Variants in EME1 observed in about 807,000 individuals in gnomAD.
EME1 encodes essential meiotic structure-specific endonuclease 1.
EME1 carries 61 observed loss-of-function variants against 59.1 expected under a neutral mutation model. The ratio of observed to expected loss-of-function variants is 1.03; its 90% CI spans 0.84 to 1.28. The LOEUF (loss-of-function observed/expected upper bound fraction) is 1.28, where lower values mean the gene tolerates loss of function less well. Among genes scored for constraint, EME1 ranks in the 50% most tolerant of loss-of-function variants. The probability of loss-of-function intolerance (pLI) is 0.00; values close to 1 mark genes in which losing one functional copy is unlikely to be tolerated. For missense variants in EME1, 635 were observed against 682.6 expected (o/e 0.93, Z 0.78); for synonymous variants, 230 against 254.2 (o/e 0.90, Z 0.90).
Position 50,376,104 on chromosome 17 carries a change from G to T in EME1, c.814G>T (p.Ala272Ser). The change falls in exon 3 of 9, where the codon GCA becomes TCA. Residue 272 changes from alanine (A) to serine (S), a missense_variant. Ala to Ser is a moderately conservative substitution (Grantham distance 99). Transcript: ENST00000338165. ...QMEGGGQLLGALQTMECRCVI... is the reference protein window; with the variant it reads ...QMEGGGQLLGSLQTMECRCVI... The stretch of plus-strand genomic sequence containing the variant: ...GGAAGGTGGGGGCCAGCTCCTAGGA[G>T]CACTGCAGACCATGGAGTGCCGCTG... The T allele has an allele frequency of 1.9e-6, 3 of 1,614,094 alleles. No homozygotes were observed. Among genetic ancestry groups the T allele is most frequent in the Non-Finnish European group, 2.5e-6 (3 of 1,180,010 alleles).
Position 50,379,579 on chromosome 17 carries a change from C to T in EME1, c.1346+12C>T. ...GAGGCGCCCTTCAAGTGAGTAACCC[C>T]AGCAAGTCCAGCCTCCATGCTGGGC... On this transcript the variant is annotated intron_variant, in intron 7 of 8. Coordinates refer to ENST00000338165, the MANE Select transcript of EME1 (RefSeq NM_152463.4). 2 of 1,611,084 alleles carry T rather than the reference C, an allele frequency of 1.2e-6. No individual in the cohort carries two copies. Among genetic ancestry groups the T allele is most frequent in the East Asian group, 2.2e-5 (1 of 44,870 alleles).
At chr17:50,374,364 A>T (rs9894175) in intron 1 of EME1, among the ~76,000 whole-genome samples, 53,058 of 151,836 alleles carry the variant, frequency 0.35, 10,042 homozygotes, top group Non-Finnish European at 0.41. Context: ...CAGCCTCCTG[A>T]GTATCTGGGA....
intron 1 of EME1, among the ~76,000 whole-genome samples, chr17:50,374,359 T>G (rs1913334045): frequency 6.6e-6 from 1 of 152,100 alleles, no homozygotes; most frequent in Non-Finnish European, 1.5e-5. Flanking sequence ...CACCTCAGCC[T>G]CCTGAGTATC....
intron 3 of EME1, 110 bp downstream of exon 3, chr17:50,376,303 G>A (rs1274379758): frequency 2.0e-6 from 3 of 1,480,386 alleles, no homozygotes; most frequent in Non-Finnish European, 2.7e-6. Context: ...GAAGACAGAT[G>A]GCACATTCAA....
chr17:50,380,877 A>T lies in EME1; in HGVS notation c.1651A>T (p.Arg551Trp). ...TSRRIGPELSRRIYLQMTTLQ... is the reference protein window; with the variant it reads ...TSRRIGPELSWRIYLQMTTLQ... The stretch of plus-strand genomic sequence containing the variant: ...TCGCCGCATTGGACCAGAACTATCC[A>T]GGCGTATCTACCTTCAGATGACCAC... Residue 551 changes from arginine (R) to tryptophan (W), a missense_variant, in exon 9 of 9, where the codon AGG (arginine) becomes TGG (tryptophan). Arg to Trp is a moderately radical substitution (Grantham distance 101, BLOSUM62 -3). Coordinates refer to ENST00000338165, the MANE Select transcript of EME1 (RefSeq NM_152463.4). The T allele has an allele frequency of 6.2e-7, 1 of 1,614,188 alleles. No individual in the cohort carries two copies. Among genetic ancestry groups the T allele is most frequent in the Non-Finnish European group, 8.5e-7 (1 of 1,180,020 alleles).
At chr17:50,377,696 C>G (rs1214381257) in intron 3 of EME1, among the ~76,000 whole-genome samples, 1 of 152,186 alleles carries the variant, frequency 6.6e-6, no homozygotes, top group Admixed American at 6.5e-5. Context: ...AGTTTCCCTT[C>G]CCTCCATTCC....
chr17:50,380,644 C>CT, intron 8 of EME1, 119 bp from the exon 9 acceptor site: 1 of 1,538,574 alleles, frequency 6.5e-7, no homozygotes. Flanking sequence ...GTTGCTAATG[C>CT]TGACCCAGGG....
intron 1 of EME1, among the ~76,000 whole-genome samples, chr17:50,374,902 G>A (rs919820960): frequency 6.6e-6 from 1 of 151,934 alleles, no homozygotes; most frequent in African/African-American, 2.4e-5. Flanking sequence ...TAAACAAGGG[G>A]TTGGAGGTGT....
chr17:50,376,316 C>G (rs1913470633), intron 3 of EME1, 123 bp downstream of exon 3: 1 of 1,416,602 alleles, frequency 7.1e-7, no homozygotes, highest in Admixed American at 2.1e-5. Context: ...ACATTCAACT[C>G]AGGGTAATTA....
At chr17:50,378,495 T>C in intron 3 of EME1, 100 bp from the exon 4 acceptor site, 1 of 1,077,104 alleles carries the variant, frequency 9.3e-7, no homozygotes, top group Admixed American at 1.7e-5. Context: ...GCATAAGGGG[T>C]GGGAGTTAGT....
rs1241959929 is a variant in EME1 at position 50,381,388 on chromosome 17, G to A, written c.*449G>A. 1.1e-5 allele frequency: 2 copies of A among 188,192 alleles called. No individual in the cohort carries two copies. Among genetic ancestry groups the A allele is most frequent in the Non-Finnish European group, 2.3e-5 (2 of 88,438 alleles). The allele number at this position is 188,192 out of a possible 1,614,324, so 11.7% of individuals were successfully genotyped here. On this transcript the variant is annotated 3_prime_UTR_variant, in exon 9 of 9. Transcript: ENST00000338165. Reference sequence around the variant, plus strand: ...GGAACGGGATTATGATGACTATGCGGACTTCTATATTGTCTTCATCTCATT... The same window carrying A: ...GGAACGGGATTATGATGACTATGCGAACTTCTATATTGTCTTCATCTCATT...
At chr17:50,379,645 C>T in intron 7 of EME1, 78 bp downstream of exon 7, 1 of 1,263,518 alleles carries the variant, frequency 7.9e-7, no homozygotes, top group Non-Finnish European at 1.1e-6. Flanking sequence ...GCAAATGTCC[C>T]TTTCCCCTCA....
At chr17:50,378,491 G>T in intron 3 of EME1, 104 bp from the exon 4 acceptor site, 2 of 1,040,412 alleles carry the variant, frequency 1.9e-6, no homozygotes, top group Non-Finnish European at 3.0e-6. Context: ...TAATGCATAA[G>T]GGGTGGGAGT....
intron 6 of EME1, 73 bp downstream of exon 6, chr17:50,379,297 A>G: frequency 1.3e-6 from 2 of 1,560,414 alleles, no homozygotes; most frequent in South Asian, 2.4e-5. Context: ...GATAGAGAAT[A>G]AAATGCCTGC....
rs768655934 is a variant in EME1, at chr17:50,375,733, C to T, written c.525C>T (p.Thr175=). Reference sequence around the variant, plus strand: ...GTCAGCTTCCAGCCTACCTGTCTACCTGCCCTGGCCAGAGCAGCAGCTTGG... The same window carrying T: ...GTCAGCTTCCAGCCTACCTGTCTACTTGCCCTGGCCAGAGCAGCAGCTTGG... ...PCCQLPAYLS[T]CPGQSSSLAV... The change falls in exon 2 of 9, where the codon ACC becomes ACT. Residue 175 remains threonine (T), a synonymous_variant. Coordinates refer to ENST00000338165, the MANE Select transcript of EME1 (RefSeq NM_152463.4). 3 of 1,614,156 alleles carry T rather than the reference C, an allele frequency of 1.9e-6. No homozygotes were observed. The South Asian group carries it at 3.3e-5, about 18-fold the overall frequency.
rs777423518 is a variant in EME1 at position 50,375,469 on chromosome 17, TGAAGATGAA to T, written c.267_275del (p.Asp89_Glu91del). Reference sequence around the variant, plus strand: ...CAGTCAGGTTGCTAAGCAGTGAAAGTGAAGATGAAGAAGAATTTATTCCTCTGGCTCAAA... The same window carrying T: ...CAGTCAGGTTGCTAAGCAGTGAAAGTGAAGAATTTATTCCTCTGGCTCAAA... On this transcript the variant is annotated inframe_deletion, in exon 2 of 9. Coordinates refer to ENST00000338165, the MANE Select transcript of EME1 (RefSeq NM_152463.4). 1 of 1,613,936 alleles carries T rather than the reference TGAAGATGAA, an allele frequency of 6.2e-7. No individual in the cohort carries two copies. Among genetic ancestry groups the T allele is most frequent in the South Asian group, 1.1e-5 (1 of 91,046 alleles).
intron 1 of EME1, 23 bp downstream of exon 1, chr17:50,373,300 C>T: frequency 4.6e-6 from 6 of 1,316,794 alleles, no homozygotes; most frequent in Non-Finnish European, 6.3e-6. Context: ...GGTCGCAGGC[C>T]TGCGGATTGG....
Position 50,381,060 on chromosome 17 carries a change from C to T in EME1, c.*121C>T. 1 of 1,085,176 alleles carries T rather than the reference C, an allele frequency of 9.2e-7. No individual in the cohort carries two copies. Among genetic ancestry groups the T allele is most frequent in the Non-Finnish European group, 1.3e-6 (1 of 755,556 alleles). The allele number at this position is 1,085,176 out of a possible 1,614,324, so 67.2% of individuals were successfully genotyped here. A position where few individuals can be genotyped will look rare whatever the true frequency, so the allele number is the denominator to read the frequency against. On this transcript the variant is annotated 3_prime_UTR_variant, in exon 9 of 9. Transcript: ENST00000338165. ...AACACAAGCCTAGGTGAGGCCCAGTCTTTCTTGGGTCTTATTATTTGTGAA... is the reference window on the plus strand; with the variant it reads ...AACACAAGCCTAGGTGAGGCCCAGTTTTTCTTGGGTCTTATTATTTGTGAA...
chr17:50,380,727 A>G (rs760443249), intron 8 of EME1, 36 bp from the exon 9 acceptor site: 6 of 1,609,170 alleles, frequency 3.7e-6, no homozygotes, highest in South Asian at 1.1e-5. Context: ...ATCACCATGG[A>G]TGGTACCATA....
Sources: allele counts gnomAD v4.1 joint callset (sites outside exome capture counted in the v4.1 genomes callset), GRCh38; gene constraint gnomAD v4.1.1; transcripts MANE v1.5; gene names NCBI Gene and HGNC (gene_info 2026-07-23, HGNC 2026-07-21).